Variants in NRP1 observed in about 807,000 individuals in gnomAD.
NRP1 encodes neuropilin-1.
In NRP1, 35 loss-of-function variants were observed where a neutral mutation model predicts 106.7. The observed-to-expected ratio is 0.33, with a 90% confidence interval of 0.25 to 0.43. The LOEUF is 0.43. Ranked by LOEUF, NRP1 falls within the 20% of genes least tolerant of loss-of-function variation. The probability of loss-of-function intolerance (pLI) is 1.00; values close to 1 mark genes in which losing one functional copy is unlikely to be tolerated. For synonymous variants in NRP1, 437 were observed against 417.9 expected (o/e 1.05, Z -0.56); for missense variants, 1,024 against 1,170.4 (o/e 0.87, Z 1.83).
intron 2 of NRP1, among the ~76,000 whole-genome samples, chr10:33,279,212 C>T (rs972903542): frequency 2.0e-5 from 3 of 152,312 alleles, no homozygotes; most frequent in African/African-American, 7.2e-5. Flanking sequence ...AAACAACACA[C>T]AGTTCTTAGC....
chr10:33,299,249 C>T (rs1017224843), intron 2 of NRP1, among the ~76,000 whole-genome samples: 1 of 152,162 alleles, frequency 6.6e-6, no homozygotes, highest in African/African-American at 2.4e-5. Context: ...TGACCCTGCC[C>T]CAATCCTTAG....
intron 2 of NRP1, among the ~76,000 whole-genome samples, chr10:33,291,113 A>C (rs139067889): frequency 8.5e-5 from 13 of 152,322 alleles, no homozygotes; most frequent in African/African-American, 2.9e-4. Flanking sequence ...CACAGAAAGC[A>C]ACCTTTATTC....
chr10:33,221,541 GAGT>G (rs1839240037), intron 8 of NRP1, among the ~76,000 whole-genome samples, 175 bp downstream of exon 8: 2 of 152,214 alleles, frequency 1.3e-5, no homozygotes, highest in Admixed American at 1.3e-4. Flanking sequence ...ATCTGCTAGT[GAGT>G]AGTAAGGCAG....
At chr10:33,330,345 C>T (rs908526530) in intron 2 of NRP1, among the ~76,000 whole-genome samples, 1 of 150,366 alleles carries the variant, frequency 6.7e-6, no homozygotes, top group Non-Finnish European at 1.5e-5. Flanking sequence ...CACTGTATTT[C>T]GTAAAAATAC....
At chr10:33,304,665 C>T (rs1564471880) in intron 2 of NRP1, among the ~76,000 whole-genome samples, 1 of 152,018 alleles carries the variant, frequency 6.6e-6, no homozygotes, top group Non-Finnish European at 1.5e-5. Context: ...TGAGAATGAC[C>T]CCATCTAAAC....
intron 5 of NRP1, among the ~76,000 whole-genome samples, 186 bp downstream of exon 5, chr10:33,256,130 T>G (rs937474994): frequency 6.6e-5 from 10 of 152,158 alleles, no homozygotes; most frequent in Non-Finnish European, 1.2e-4. Context: ...CACAATTTTA[T>G]GAAGAAAGCA....
At chr10:33,261,033 T>G (rs951494033) in intron 4 of NRP1, among the ~76,000 whole-genome samples, 2 of 151,014 alleles carry the variant, frequency 1.3e-5, no homozygotes, top group African/African-American at 4.9e-5. Context: ...GCAGTTTTAT[T>G]TTGCCTAAAA....
chr10:33,183,625 C>T (rs939292562), intron 15 of NRP1, among the ~76,000 whole-genome samples: 5 of 152,182 alleles, frequency 3.3e-5, no homozygotes, highest in African/African-American at 1.2e-4. Context: ...GTACTAAGTA[C>T]AGAGCAGGAA....
In NRP1 at chr10:33,330,801, T is replaced by C; in HGVS notation, c.155A>G (p.Glu52Gly). 6.2e-7 allele frequency: 1 copy of C among 1,613,942 alleles called. No individual in the cohort carries two copies. The highest frequency in any genetic ancestry group is 8.5e-7 in the Non-Finnish European group (1 of 1,179,836). ...AGCCTGAATCAGCCATTCGCATTTT[T>C]CACTTGGGTGATAAGAATGAGGATA... The part of the protein sequence containing the change: ...PGYPHSYHPS[E>G]KCEWLIQAPD... The change falls in exon 2 of 17, where the codon GAA becomes GGA. Residue 52 changes from glutamate (E) to glycine (G), a missense_variant. By Grantham distance (98) the Glu-to-Gly change is moderately conservative. This residue lies in a region of NRP1 where 279 missense variants were observed against 327.4 expected (regional missense o/e 0.85). Transcript: ENST00000374867.
intron 11 of NRP1, among the ~76,000 whole-genome samples, chr10:33,198,164 T>C (rs1478066612): frequency 7.6e-5 from 11 of 144,250 alleles, no homozygotes; most frequent in African/African-American, 2.7e-4. Context: ...TTTTTTGAGA[T>C]GGAGTCTCAC....
chr10:33,293,577 C>G (rs561691746), intron 2 of NRP1, among the ~76,000 whole-genome samples: 1 of 152,170 alleles, frequency 6.6e-6, no homozygotes, highest in Non-Finnish European at 1.5e-5. Flanking sequence ...AAAGGTCACA[C>G]GACCAACCGT....
At chr10:33,186,537 CT>C in intron 13 of NRP1, 49 bp from the exon 14 acceptor site, 1 of 1,550,020 alleles carries the variant, frequency 6.5e-7, no homozygotes, top group Non-Finnish European at 8.7e-7. Context: ...GATTACCACA[CT>C]TTTATCTCTC....
At chr10:33,192,151 G>C (rs1836461349) in intron 13 of NRP1, 130 bp downstream of exon 13, 7 of 906,974 alleles carry the variant, frequency 7.7e-6, no homozygotes, top group Non-Finnish European at 1.2e-5. Context: ...GAAAATAATA[G>C]CACATGTGAA....
At chr10:33,304,862 A>C (rs994716243) in intron 2 of NRP1, among the ~76,000 whole-genome samples, 1 of 152,264 alleles carries the variant, frequency 6.6e-6, no homozygotes. Flanking sequence ...ACACGAGTAG[A>C]AATAGCGTAG....
At chr10:33,221,149 T>A (rs1839212470) in intron 8 of NRP1, among the ~76,000 whole-genome samples, 1 of 151,996 alleles carries the variant, frequency 6.6e-6, no homozygotes, top group Admixed American at 6.6e-5. Flanking sequence ...AGGTTGAGGG[T>A]GCAGTGAGCT....
chr10:33,288,375 T>A (rs1934774464), intron 2 of NRP1: 1 of 152,216 alleles, frequency 6.6e-6, no homozygotes, highest in African/African-American at 2.4e-5. Flanking sequence ...CCACTACTGA[T>A]CACCATGGGA....
At chr10:33,187,845 C>T (rs1463946480) in intron 13 of NRP1, among the ~76,000 whole-genome samples, 1 of 152,206 alleles carries the variant, frequency 6.6e-6, no homozygotes, top group Admixed American at 6.5e-5. Context: ...CCTGTGTCAA[C>T]AGTGTCCAGG....
At chr10:33,266,987 G>A (rs1439792917) in intron 3 of NRP1, among the ~76,000 whole-genome samples, 1 of 152,078 alleles carries the variant, frequency 6.6e-6, no homozygotes, top group Non-Finnish European at 1.5e-5. Flanking sequence ...AGCCAAGATC[G>A]TGCCACTGCA....
chr10:33,292,549 T>C (rs1845076524), intron 2 of NRP1, among the ~76,000 whole-genome samples: 2 of 152,232 alleles, frequency 1.3e-5, no homozygotes, highest in Non-Finnish European at 2.9e-5. Context: ...GACCACATGC[T>C]GACCTTGACA....
Sources: gnomAD v4.1 joint callset for allele counts (sites outside exome capture counted in the v4.1 genomes callset) on GRCh38, gnomAD v4.1.1 for gene constraint, gnomAD v4.1.1 regional missense constraint, MANE v1.5 for transcripts, NCBI Gene and HGNC (gene_info 2026-07-23, HGNC 2026-07-21) for gene names.